The following ABI2 variants were observed in gnomAD, a reference collection of about 807,000 sequenced individuals.
ABI2 encodes abl interactor 2.
Under a neutral mutation model 59.2 loss-of-function variants are expected in ABI2, and 25 were observed. The ratio of observed to expected loss-of-function variants is 0.42; its 90% CI spans 0.31 to 0.59. ABI2 has a LOEUF of 0.59. ABI2 is among the 20% of genes least tolerant of loss of function. The probability of loss-of-function intolerance (pLI) is 0.14; values close to 1 mark genes in which losing one functional copy is unlikely to be tolerated. For missense variants in ABI2, 545 were observed against 681.8 expected, an observed-to-expected ratio of 0.80 and a Z score of 2.23; for synonymous variants, 213 against 235.5, an observed-to-expected ratio of 0.90 and a Z score of 0.87.
intron 9 of ABI2, among the ~76,000 whole-genome samples, chr2:203,403,742 GTTTTTTTTTTTT>G (rs56123341): frequency 1.0e-5 from 1 of 95,302 alleles, no homozygotes; most frequent in East Asian, 3.0e-4. Flanking sequence ...CTTTCTTTCT[GTTTTTTTTTTTT>G]TTTTTTTTTT....
chr2:203,389,181 G>A (rs900504601), intron 4 of ABI2, among the ~76,000 whole-genome samples: 1 of 152,100 alleles, frequency 6.6e-6, no homozygotes, highest in African/African-American at 2.4e-5. Context: ...TTCATTTTAA[G>A]ATACAAGTAG....
intron 1 of ABI2, among the ~76,000 whole-genome samples, chr2:203,348,816 C>G (rs1436515589): frequency 1.3e-5 from 2 of 152,056 alleles, no homozygotes; most frequent in Non-Finnish European, 2.9e-5. Context: ...ATTGATGAAT[C>G]TACACATCAT....
intron 5 of ABI2, among the ~76,000 whole-genome samples, chr2:203,394,058 C>A (rs192131919): frequency 6.6e-6 from 1 of 152,162 alleles, no homozygotes; most frequent in Non-Finnish European, 1.5e-5. Flanking sequence ...CCCTTCCCCC[C>A]ACCTTTGTAA....
chr2:203,408,829 C>CTTTATTTTTTTT (rs2097537098), intron 9 of ABI2, among the ~76,000 whole-genome samples: 2 of 69,254 alleles, frequency 2.9e-5, no homozygotes, highest in Non-Finnish European at 4.1e-5. Flanking sequence ...CTACCTTCTC[C>CTTTATTTTTTTT]TTTCTTTTTT....
At chr2:203,396,377 T>A (rs941024930) in intron 7 of ABI2, among the ~76,000 whole-genome samples, 8 of 152,162 alleles carry the variant, frequency 5.3e-5, no homozygotes, top group Non-Finnish European at 8.8e-5. Context: ...TTAAAAAAAA[T>A]TTTTAATCTG....
intron 8 of ABI2, among the ~76,000 whole-genome samples, chr2:203,400,275 G>C (rs1294618509): frequency 2.0e-5 from 3 of 151,630 alleles, no homozygotes; most frequent in Non-Finnish European, 4.4e-5. Flanking sequence ...TTTTAATGGA[G>C]ACAAAGTTTC....
intron 1 of ABI2, chr2:203,329,032 C>T (rs1408754920): frequency 6.1e-6 from 1 of 162,974 alleles, no homozygotes. Flanking sequence ...ACCTCCATCC[C>T]CCAAATTCTG....
chr2:203,347,209 T>A (rs144213876), intron 1 of ABI2, among the ~76,000 whole-genome samples: 114 of 152,298 alleles, frequency 7.5e-4, no homozygotes, highest in Middle Eastern at 3.4e-3. Context: ...TGGTCTCTGG[T>A]CAAACCATAG....
At chr2:203,382,141 A>T in intron 3 of ABI2, 48 bp from the exon 4 acceptor site, 1 of 1,488,220 alleles carries the variant, frequency 6.7e-7, no homozygotes, top group Non-Finnish European at 8.9e-7. Flanking sequence ...CTAACCTTTC[A>T]ATGCTTTTTT....
chr2:203,377,397 CTT>C (rs1247971635), intron 2 of ABI2, among the ~76,000 whole-genome samples: 3 of 152,150 alleles, frequency 2.0e-5, no homozygotes, highest in East Asian at 1.9e-4. Context: ...GGTTTACACT[CTT>C]ATAGTTTCAT....
chr2:203,395,448 TACACACACACACAC>T (rs59156204), intron 6 of ABI2, among the ~76,000 whole-genome samples, 194 bp from the exon 7 acceptor site: 3 of 115,328 alleles, frequency 2.6e-5, no homozygotes, highest in African/African-American at 9.1e-5. Flanking sequence ...TATATATATA[TACACACACACACAC>T]ACACACACAC....
intron 9 of ABI2, 92 bp downstream of exon 9, chr2:203,402,826 A>G: frequency 9.2e-7 from 1 of 1,092,342 alleles, no homozygotes; most frequent in South Asian, 2.1e-5. Context: ...AGTGCATGGT[A>G]GGTGGTTAGC....
intron 1 of ABI2, among the ~76,000 whole-genome samples, chr2:203,364,091 C>CTTT (rs75432257): frequency 2.1e-5 from 3 of 140,484 alleles, no homozygotes; most frequent in African/African-American, 5.2e-5. Flanking sequence ...GTCCATTCAT[C>CTTT]TTTTTTTTTT....
intron 2 of ABI2, among the ~76,000 whole-genome samples, chr2:203,369,272 AAAAAG>A (rs1057298700): frequency 1.6e-4 from 24 of 152,170 alleles, no homozygotes; most frequent in African/African-American, 5.6e-4. Context: ...AAACGTTAAA[AAAAAG>A]AACAAATATA....
chr2:203,390,676 A>C (rs1478113446), intron 4 of ABI2, among the ~76,000 whole-genome samples: 2 of 152,200 alleles, frequency 1.3e-5, no homozygotes, highest in African/African-American at 2.4e-5. Context: ...GGAATTGCTT[A>C]AAAGCATTAT....
intron 4 of ABI2, among the ~76,000 whole-genome samples, chr2:203,390,537 C>T (rs1021529416): frequency 5.9e-5 from 9 of 151,754 alleles, no homozygotes; most frequent in Non-Finnish European, 1.2e-4. Context: ...GAGGCTGAGG[C>T]AGGAGAATTG....
intron 4 of ABI2, chr2:203,386,523 A>G: frequency 4.1e-6 from 3 of 732,790 alleles, no homozygotes; most frequent in Non-Finnish European, 5.0e-6. Context: ...AACAAGTTTA[A>G]GAAATTATTA....
intron 2 of ABI2, among the ~76,000 whole-genome samples, chr2:203,372,601 G>A (rs1332357713): frequency 6.7e-6 from 1 of 149,334 alleles, no homozygotes; most frequent in African/African-American, 2.5e-5. Flanking sequence ...GTGGCTGGGC[G>A]GGGGACTGAC....
intron 1 of ABI2, among the ~76,000 whole-genome samples, chr2:203,338,943 T>TATATATATATAA (rs1231706921): frequency 3.7e-4 from 5 of 13,436 alleles, no homozygotes; most frequent in African/African-American, 1.5e-3. Context: ...TGTATATATA[T>TATATATATATAA]ATATATATAT....
Sources: allele counts gnomAD v4.1 joint callset (sites outside exome capture counted in the v4.1 genomes callset), GRCh38; gene constraint gnomAD v4.1.1; transcripts MANE v1.5; gene names NCBI Gene and HGNC (gene_info 2026-07-23, HGNC 2026-07-21).